KCNMB3: variants seen among roughly 807,000 people sequenced by gnomAD.
KCNMB3 encodes calcium-activated potassium channel subunit beta-3.
A neutral mutation model predicts 11.9 loss-of-function variants in KCNMB3; 18 were observed. That is an observed-to-expected ratio of 1.51 (90% CI 1.04 to 2.23). The LOEUF (loss-of-function observed/expected upper bound fraction) is 2.23. KCNMB3 is among the 30% of genes most tolerant of loss of function. The probability of loss-of-function intolerance (pLI) is 0.00; values close to 1 mark genes in which losing one functional copy is unlikely to be tolerated. For missense variants in KCNMB3, 247 were observed against 329.4 expected (o/e 0.75, Z 1.94); for synonymous variants, 78 against 119.2 (o/e 0.65, Z 2.25).
intron 1 of KCNMB3, among the ~76,000 whole-genome samples, chr3:179,264,983 A>G (rs761223469): frequency 1.3e-5 from 2 of 152,252 alleles, no homozygotes; most frequent in African/African-American, 2.4e-5. Context: ...AAGAGGAAAT[A>G]GCAATAATTC....
At chr3:179,251,487 C>T, upstream of KCNMB3, 2 of 1,393,478 alleles carry the variant, frequency 1.4e-6, no homozygotes, top group Non-Finnish European at 1.8e-6. Context: ...CTTTGCTCCT[C>T]TCACCCTCCT....
chr3:179,247,533 T>C (rs1204969082), intron 1 of KCNMB3, among the ~76,000 whole-genome samples: 1 of 151,810 alleles, frequency 6.6e-6, no homozygotes, highest in Non-Finnish European at 1.5e-5. Flanking sequence ...GGTACAAACA[T>C]GTAATCTGCA....
intron 1 of KCNMB3, chr3:179,266,512 C>T (rs1246895197): frequency 7.4e-6 from 7 of 949,422 alleles, no homozygotes; most frequent in African/African-American, 1.6e-5. Context: ...CTGCTGGGTA[C>T]CCTGGGAGGC....
chr3:179,240,305 G>T, downstream of KCNMB3: 1 of 434,496 alleles, frequency 2.3e-6, no homozygotes, highest in East Asian at 3.7e-5. Context: ...GTAAAGTGAT[G>T]AATATTAAAG....
intron 1 of KCNMB3, chr3:179,266,624 G>C: frequency 1.2e-6 from 2 of 1,613,648 alleles, no homozygotes; most frequent in Non-Finnish European, 1.7e-6. Flanking sequence ...TCCCACTACC[G>C]GCAGAGCTTC....
chr3:179,251,616 G>C, upstream of KCNMB3: 1 of 1,270,426 alleles, frequency 7.9e-7, no homozygotes. Context: ...TCGCAGGGCA[G>C]GGTGTCTGGT....
At position 179,244,572 on chromosome 3, in the gene KCNMB3, C is replaced by A; in HGVS notation, c.370G>T (p.Val124Leu). The change falls in exon 2 of 3, where the codon GTG becomes TTG. Residue 124 changes from valine (V) to leucine (L), a missense_variant. By Grantham distance (32) the Val-to-Leu change is conservative. This residue lies in a region of KCNMB3 where 160 missense variants were observed against 157.5 expected (regional missense o/e 1.02). Transcript: ENST00000392685. ...CCTGGATGGCTGAGGTTCACAAACA[C>A]CTGAAGACACGGGTACTTCCCCTGA... is the stretch of plus-strand genomic sequence containing the variant. ...HGQGKYPCLQ[V>L]FVNLSHPGQK... 6.2e-7 allele frequency: 1 copy of A among 1,614,116 alleles called. No homozygotes were observed. Among genetic ancestry groups the A allele is most frequent in the Non-Finnish European group, 8.5e-7 (1 of 1,180,024 alleles).
chr3:179,261,369 C>A, intron 1 of KCNMB3: 3 of 1,132,042 alleles, frequency 2.7e-6, no homozygotes, highest in Non-Finnish European at 3.3e-6. Context: ...CGCGCTCTGT[C>A]CGCGGAGACG....
intron 1 of KCNMB3, among the ~76,000 whole-genome samples, chr3:179,257,296 A>C (rs753750315): frequency 2.6e-5 from 4 of 152,228 alleles, no homozygotes; most frequent in Non-Finnish European, 1.5e-5. Context: ...TTACATAATA[A>C]CACTTATGTT....
chr3:179,266,094 A>G (rs1362321472), intron 1 of KCNMB3, among the ~76,000 whole-genome samples: 1 of 152,222 alleles, frequency 6.6e-6, no homozygotes, highest in Non-Finnish European at 1.5e-5. Flanking sequence ...GGCTCTTACT[A>G]TCTGCATTTC....
chr3:179,242,719 G>T, downstream of KCNMB3: 1 of 1,016,614 alleles, frequency 9.8e-7, no homozygotes. Context: ...AAAAGATGGT[G>T]AATTTGTATG....
At chr3:179,245,155 C>T (rs1290160030) in intron 1 of KCNMB3, among the ~76,000 whole-genome samples, 1 of 152,142 alleles carries the variant, frequency 6.6e-6, no homozygotes, top group Non-Finnish European at 1.5e-5. Context: ...GCTGTAACCA[C>T]CAAGATTCAC....
At chr3:179,245,978 G>A (rs1725628972) in intron 1 of KCNMB3, among the ~76,000 whole-genome samples, 2 of 152,166 alleles carry the variant, frequency 1.3e-5, no homozygotes, top group African/African-American at 4.8e-5. Flanking sequence ...AGTAAACGAG[G>A]GGAAGAGGAA....
intron 1 of KCNMB3, among the ~76,000 whole-genome samples, chr3:179,248,842 C>A (rs1725735159): frequency 6.6e-6 from 1 of 151,416 alleles, no homozygotes; most frequent in African/African-American, 2.4e-5. Context: ...ATACTGAATT[C>A]TTACAATAAA....
chr3:179,258,419 A>G (rs7645810), intron 1 of KCNMB3, among the ~76,000 whole-genome samples: 124,947 of 152,200 alleles, frequency 0.82, 51,444 homozygotes, highest in East Asian at 0.94. Flanking sequence ...AAAGCCCCTC[A>G]TGCTTTCAGA....
At chr3:179,265,931 T>C in intron 1 of KCNMB3, among the ~76,000 whole-genome samples, 1 of 152,184 alleles carries the variant, frequency 6.6e-6, no homozygotes, top group East Asian at 1.9e-4. Context: ...AAACGGGTCC[T>C]GAAAATAATC....
downstream of KCNMB3, chr3:179,242,496 A>C (rs1339436377): frequency 6.5e-6 from 1 of 153,442 alleles, no homozygotes; most frequent in African/African-American, 2.4e-5. Context: ...ACTGTTAAGA[A>C]CTTTTTTATG....
chr3:179,264,859 GAGGAGACCCTT>G (rs1489500800), intron 1 of KCNMB3, among the ~76,000 whole-genome samples: 1 of 152,216 alleles, frequency 6.6e-6, no homozygotes, highest in Non-Finnish European at 1.5e-5. Flanking sequence ...TTTGGTTACA[GAGGAGACCCTT>G]GGTAATTATT....
intron 1 of KCNMB3, chr3:179,260,657 T>C: frequency 4.5e-6 from 6 of 1,327,206 alleles, no homozygotes; most frequent in Non-Finnish European, 6.5e-6. Flanking sequence ...AGTCTCTCCA[T>C]TGGTAACTAT....
Sources: allele counts gnomAD v4.1 joint callset (sites outside exome capture counted in the v4.1 genomes callset), GRCh38; gene constraint gnomAD v4.1.1; regional missense constraint gnomAD v4.1.1; transcripts MANE v1.5; gene names NCBI Gene and HGNC (gene_info 2026-07-23, HGNC 2026-07-21).